Variants in AFAP1 observed in about 807,000 individuals in gnomAD.
The protein encoded by AFAP1 is actin filament associated protein 1.
In AFAP1, 75 loss-of-function variants were observed where a neutral mutation model predicts 93.9. That is an observed-to-expected ratio of 0.80 (90% CI 0.66 to 0.97). The LOEUF (loss-of-function observed/expected upper bound fraction) is 0.97, where lower values mean the gene tolerates loss of function less well. AFAP1 is among the 50% of genes least tolerant of loss of function. The pLI, the probability that AFAP1 is intolerant of heterozygous loss-of-function variation, is 0.00. For missense variants in AFAP1, 1,201 were observed against 1,050.8 expected (o/e 1.14, Z -1.98); for synonymous variants, 517 against 430.7 (o/e 1.20, Z -2.48).
At chr4:7,792,520 G>A (rs1279459842) in intron 11 of AFAP1, among the ~76,000 whole-genome samples, 1 of 152,186 alleles carries the variant, frequency 6.6e-6, no homozygotes, top group Non-Finnish European at 1.5e-5. Context: ...GATGATGGGT[G>A]TAGCTAGCTC....
chr4:7,771,338 A>G (rs1442383662), intron 16 of AFAP1, among the ~76,000 whole-genome samples: 1 of 152,182 alleles, frequency 6.6e-6, no homozygotes, highest in Non-Finnish European at 1.5e-5. Flanking sequence ...CAGCATATGC[A>G]TATGTGTGTA....
intron 16 of AFAP1, among the ~76,000 whole-genome samples, chr4:7,770,686 A>T (rs1715306858): frequency 6.6e-6 from 1 of 152,158 alleles, no homozygotes; most frequent in African/African-American, 2.4e-5. Flanking sequence ...AGGTGTCTGG[A>T]GGTCAGGAAG....
chr4:7,771,507 G>C (rs897736842), intron 16 of AFAP1, among the ~76,000 whole-genome samples: 1 of 152,236 alleles, frequency 6.6e-6, no homozygotes, highest in Admixed American at 6.5e-5. Context: ...TGTTGGATGA[G>C]TGGAATGAAT....
At chr4:7,824,424 T>TGTACACAC (rs1553840570) in intron 6 of AFAP1, among the ~76,000 whole-genome samples, 2 of 150,494 alleles carry the variant, frequency 1.3e-5, no homozygotes, top group Admixed American at 1.3e-4. Context: ...AGCATTTGTG[T>TGTACACAC]ACACACACAC....
At chr4:7,840,334 G>A (rs920000383) in intron 5 of AFAP1, among the ~76,000 whole-genome samples, 4 of 149,746 alleles carry the variant, frequency 2.7e-5, no homozygotes, top group Admixed American at 6.7e-5. Flanking sequence ...GTGTGTTTGA[G>A]ATGAAGTCTC....
chr4:7,938,612 G>A (rs949152633), intron 1 of AFAP1, among the ~76,000 whole-genome samples: 8 of 152,054 alleles, frequency 5.3e-5, no homozygotes, highest in African/African-American at 1.9e-4. Flanking sequence ...AACTGCCTTG[G>A]CCTCATTCCG....
At position 7,868,059 on chromosome 4, in the gene AFAP1, A is replaced by T. The variant is rs536266913; in HGVS notation, c.225+563T>A. ...ATAGAAAAAGCTGAATGGTACATAA[A>T]AGTTTGCAAATGAGGGAATCGCCAG... On this transcript the variant is annotated intron_variant, in intron 3 of 17. Transcript: ENST00000420658. Among the ~76,000 whole-genome samples, 4 of 152,202 alleles carry T rather than the reference A, an allele frequency of 2.6e-5. No homozygotes were observed. In the South Asian group the frequency reaches 8.3e-4, roughly 32 times the overall value.
intron 1 of AFAP1, among the ~76,000 whole-genome samples, chr4:7,931,434 C>G (rs928639203): frequency 2.6e-5 from 4 of 152,038 alleles, no homozygotes; most frequent in Non-Finnish European, 4.4e-5. Context: ...CTCTGTTGCT[C>G]AGGCTGGAGT....
At chr4:7,818,395 C>G (rs1048518849) in intron 7 of AFAP1, among the ~76,000 whole-genome samples, 3 of 152,098 alleles carry the variant, frequency 2.0e-5, no homozygotes, top group African/African-American at 4.8e-5. Flanking sequence ...TATATGAGGA[C>G]AGGCAAAAAG....
At chr4:7,793,622 A>G (rs1395141651) in intron 11 of AFAP1, 59 bp downstream of exon 11, 3 of 1,410,088 alleles carry the variant, frequency 2.1e-6, no homozygotes, top group Non-Finnish European at 2.8e-6. Flanking sequence ...AGTTAAGCTA[A>G]GTTAGGGAAA....
intron 5 of AFAP1, among the ~76,000 whole-genome samples, chr4:7,841,757 T>C (rs1713041604): frequency 6.6e-6 from 1 of 152,198 alleles, no homozygotes; most frequent in Admixed American, 6.5e-5. Context: ...TTTCACCTGC[T>C]TTTCCACTAA....
At chr4:7,892,133 C>T (rs1432305655) in intron 1 of AFAP1, among the ~76,000 whole-genome samples, 1 of 152,108 alleles carries the variant, frequency 6.6e-6, no homozygotes, top group Non-Finnish European at 1.5e-5. Context: ...GGTGAAGAGC[C>T]CACAGGCTAG....
intron 10 of AFAP1, among the ~76,000 whole-genome samples, chr4:7,794,192 G>A (rs1243681342): frequency 1.3e-5 from 2 of 152,324 alleles, no homozygotes; most frequent in Admixed American, 1.3e-4. Context: ...GAAGGGGCAC[G>A]TCCCAGCTGC....
rs372138292 is a variant in AFAP1 at position 7,847,615 on chromosome 4, C to T, written c.335-4265G>A. 1.1e-4 allele frequency among the ~76,000 whole-genome samples: 17 copies of T among 152,286 alleles called. No homozygotes were observed. In the South Asian group the frequency reaches 2.7e-3, roughly 24 times the overall value. ...TGGTCTAGGACTTTGAGAAGTTCAC[C>T]GTCTGGAGGCCTGGGGTTTTGGATT... On this transcript the variant is annotated intron_variant, in intron 4 of 17. Transcript: ENST00000420658.
intron 4 of AFAP1, among the ~76,000 whole-genome samples, chr4:7,850,769 C>T (rs1204932542): frequency 6.6e-6 from 1 of 152,256 alleles, no homozygotes; most frequent in Non-Finnish European, 1.5e-5. Context: ...GTGTTTTGTA[C>T]AACTCCAGAG....
In AFAP1 at chr4:7,894,572, T is replaced by G. The variant is rs1383667376; in HGVS notation, c.-2-22492A>C. On this transcript the variant is annotated intron_variant, in intron 1 of 17. Transcript: ENST00000420658. Reference sequence around the variant, plus strand: ...CCCGCTTTGTGAAGGGTGACCATGCTCCTTTCAGAATGCAGAATCAGGGAG... The same window carrying G: ...CCCGCTTTGTGAAGGGTGACCATGCGCCTTTCAGAATGCAGAATCAGGGAG... Among the ~76,000 whole-genome samples the G allele has an allele frequency of 2.0e-5, 3 of 152,132 alleles. No homozygotes were observed. In the East Asian group the frequency reaches 5.8e-4, roughly 29 times the overall value.
At chr4:7,871,913 A>G (rs1717083884) in intron 2 of AFAP1, 39 bp downstream of exon 2, 2 of 1,608,880 alleles carry the variant, frequency 1.2e-6, no homozygotes, top group Non-Finnish European at 1.7e-6. Context: ...AAGCCAAGAC[A>G]CTGTAAGAAG....
Position 7,872,749 on chromosome 4 carries a change from AC to A in AFAP1, c.-2-670del, listed in dbSNP as rs574305027. ...GTGAACTCCTCCTTTCAGGGAGCCCACAAGGCCCGAGGCCCAAACTATTTTC... is the reference window on the plus strand; with the variant it reads ...GTGAACTCCTCCTTTCAGGGAGCCCAAAGGCCCGAGGCCCAAACTATTTTC... On this transcript the variant is annotated intron_variant, in intron 1 of 17. Coordinates refer to ENST00000420658, the MANE Select transcript of AFAP1 (RefSeq NM_001134647.2). Among the ~76,000 whole-genome samples, 12 of 152,256 alleles carry A rather than the reference AC, an allele frequency of 7.9e-5. No individual in the cohort carries two copies. In the East Asian group the frequency reaches 2.3e-3, roughly 29 times the overall value.
At position 7,759,023 on chromosome 4, in the gene AFAP1, T is replaced by G. The variant is rs765987060; in HGVS notation, c.*4742A>C. 5 of 152,648 alleles carry G rather than the reference T, an allele frequency of 3.3e-5. No homozygotes were observed. The highest frequency in any genetic ancestry group is 7.3e-5 in the Non-Finnish European group (5 of 68,038). 9.5% of individuals were successfully genotyped at this position (152,648 alleles called of 1,614,324 possible). A position where few individuals can be genotyped will look rare whatever the true frequency, so the allele number is the denominator to read the frequency against. ...CTTTGCCTGTTTCTTTCAAAGAGAATTTTAAATATGACTTTAGCTTTTAAA... is the reference window on the plus strand; with the variant it reads ...CTTTGCCTGTTTCTTTCAAAGAGAAGTTTAAATATGACTTTAGCTTTTAAA... On this transcript the variant is annotated 3_prime_UTR_variant, in exon 18 of 18. Transcript: ENST00000420658.
Sources: allele counts gnomAD v4.1 joint callset (sites outside exome capture counted in the v4.1 genomes callset), GRCh38; gene constraint gnomAD v4.1.1; transcripts MANE v1.5; gene names NCBI Gene and HGNC (gene_info 2026-07-23, HGNC 2026-07-21).